TSC1: variants seen among roughly 807,000 people sequenced by gnomAD.
The protein encoded by TSC1 is TSC complex subunit 1, also known as hamartin.
Under a neutral mutation model 124.3 loss-of-function variants are expected in TSC1, and 20 were observed. The observed-to-expected ratio is 0.16, with a 90% CI of 0.11 to 0.23. The LOEUF is 0.23. Ranked by LOEUF, TSC1 falls within the 10% of genes least tolerant of loss-of-function variation. TSC1 has a pLI of 1.00. For synonymous variants in TSC1, 493 were observed against 539.1 expected (o/e 0.91, Z 1.19); for missense variants, 1,124 against 1,448.5 (o/e 0.78, Z 3.64).
rs1002459777 is a variant in TSC1, at chr9:132,921,553, T to G, written c.664-117A>C. On this transcript the variant is annotated intron_variant, in intron 7 of 22. Transcript: ENST00000298552. This position sits in a 1 kb window ranked among gnomAD's most constrained non-coding sequence, Gnocchi z 4.3. ...GTACTGATACATGTTATAACACAGA[T>G]GGAACCTTGAGAACATTATACTGAG... 2 of 1,242,622 alleles carry G rather than the reference T, an allele frequency of 1.6e-6. No homozygotes were observed. Among genetic ancestry groups the G allele is most frequent in the Admixed American group, 3.8e-5 (2 of 53,330 alleles). The allele number at this position is 1,242,622 out of a possible 1,614,324, so 77.0% of individuals were successfully genotyped here. A position where few individuals can be genotyped will look rare whatever the true frequency, so the allele number is the denominator to read the frequency against.
In TSC1 at chr9:132,892,106, G is replaced by A; in HGVS notation, c.*4129C>T. 1 of 233,198 alleles carries A rather than the reference G, an allele frequency of 4.3e-6. No homozygotes were observed. The highest frequency in any genetic ancestry group is 6.0e-5 in the East Asian group (1 of 16,578). 14.4% of individuals were successfully genotyped at this position (233,198 alleles called of 1,614,324 possible). A position where few individuals can be genotyped will look rare whatever the true frequency, so the allele number is the denominator to read the frequency against. Reference sequence around the variant, plus strand: ...GTAGCTACAGCTACTCTTCCCTCAGGCGAGCAGATAAGGACTGCAGGACGG... The same window carrying A: ...GTAGCTACAGCTACTCTTCCCTCAGACGAGCAGATAAGGACTGCAGGACGG... On this transcript the variant is annotated 3_prime_UTR_variant, in exon 23 of 23. Transcript: ENST00000298552.
In TSC1 at chr9:132,928,792, A is replaced by T; in HGVS notation, c.81T>A (p.Ala27=). 1 of 1,614,216 alleles carries T rather than the reference A, an allele frequency of 6.2e-7. No individual in the cohort carries two copies. Among genetic ancestry groups the T allele is most frequent in the Non-Finnish European group, 8.5e-7 (1 of 1,180,024 alleles). ...PMLGVRDDVT[A]VFKENLNSDR... ...CAGAATTGAGGTTCTCTTTAAAGACAGCTGTCACGTCGTCCCGCACACCCA... is the reference window on the plus strand; with the variant it reads ...CAGAATTGAGGTTCTCTTTAAAGACTGCTGTCACGTCGTCCCGCACACCCA... The change falls in exon 3 of 23, where the codon GCT becomes GCA. Residue 27 remains alanine, a synonymous_variant. Coordinates refer to ENST00000298552, the MANE Select transcript of TSC1 (RefSeq NM_000368.5).
chr9:132,907,296 T>C lies in TSC1; in HGVS notation c.1333+5A>G, dbSNP rs118203515. On this transcript the variant is annotated splice_donor_5th_base_variant and intron_variant, in intron 13 of 22. Coordinates refer to ENST00000298552, the MANE Select transcript of TSC1 (RefSeq NM_000368.5). ...GCAAGGCCTGTAGTAACGCAGAAAT[T>C]TTACCTGATCCTCTGTCATTCAGAA... 2.6e-4 allele frequency: 419 copies of C among 1,613,586 alleles called. No homozygotes were observed. The highest frequency in any genetic ancestry group is 3.5e-4 in the Non-Finnish European group (410 of 1,179,652).
intron 8 of TSC1, among the ~76,000 whole-genome samples, chr9:132,920,828 C>G (rs1272700405): frequency 6.6e-6 from 1 of 152,016 alleles, no homozygotes; most frequent in Non-Finnish European, 1.5e-5. Flanking sequence ...CCACTCTCCA[C>G]TGTGCCTGGA....
chr9:132,904,327 A>AG (rs1845535549), intron 16 of TSC1, 84 bp downstream of exon 16: 1 of 1,474,108 alleles, frequency 6.8e-7, no homozygotes, highest in Admixed American at 1.8e-5. Context: ...TGTTTCCCAG[A>AG]GGGCACCTCC....
intron 1 of TSC1, chr9:132,943,905 G>T (rs368929612): frequency 5.9e-5 from 9 of 152,246 alleles, no homozygotes; most frequent in African/African-American, 2.2e-4. Context: ...ATGAATGAAC[G>T]CCTAGGAGGG....
intron 1 of TSC1, chr9:132,943,710 G>A (rs1395054682): frequency 6.6e-6 from 1 of 152,136 alleles, no homozygotes; most frequent in Admixed American, 6.6e-5. Context: ...ACAGTGCCTG[G>A]CACACAGAGA....
intron 6 of TSC1, among the ~76,000 whole-genome samples, chr9:132,922,751 G>T (rs1487010500): frequency 6.6e-6 from 1 of 152,130 alleles, no homozygotes; most frequent in Non-Finnish European, 1.5e-5. Flanking sequence ...TGTCTCACAG[G>T]TCTGACATAC....
intron 4 of TSC1, chr9:132,926,976 C>T (rs552454942): frequency 7.7e-6 from 4 of 516,898 alleles, no homozygotes; most frequent in South Asian, 6.0e-5. Context: ...CCGGCCCAAA[C>T]AAGATCTTTA....
chr9:132,920,899 G>C (rs1045125490), intron 8 of TSC1, among the ~76,000 whole-genome samples: 1 of 151,894 alleles, frequency 6.6e-6, no homozygotes, highest in Non-Finnish European at 1.5e-5. Context: ...GGGGGCCTCT[G>C]TAGGGCCCTG....
intron 2 of TSC1, among the ~76,000 whole-genome samples, chr9:132,930,661 G>T (rs1847156439): frequency 6.7e-6 from 1 of 148,158 alleles, no homozygotes; most frequent in Non-Finnish European, 1.5e-5. Flanking sequence ...AATTAGCCAT[G>T]ACCCCAAAAA....
rs867381914 is a variant in TSC1, at chr9:132,921,301, T to G, written c.737+62A>C. 4 of 1,549,320 alleles carry G rather than the reference T, an allele frequency of 2.6e-6. No individual in the cohort carries two copies. The highest frequency in any genetic ancestry group is 1.4e-5 in the African/African-American group (1 of 73,580). On this transcript the variant is annotated intron_variant, in intron 8 of 22. Transcript: ENST00000298552. The surrounding 1 kb of genome is among the most constrained non-coding windows in gnomAD (Gnocchi z 4.3). ...CAAATATACCTCAACAGGGATTACC[T>G]CCTAGATCACATTTTCAATCTCTCG... is the stretch of plus-strand genomic sequence containing the variant.
In TSC1 at chr9:132,905,948, C is replaced by A. The variant is rs2131836819; in HGVS notation, c.1630G>T (p.Gly544Trp). ...EPLHSSLDKL[G>W]PDTPKQAFTP... ...AAGGCTTGCTTTGGTGTGTCAGGCC[C>A]AAGCTTGTCCAGGGAGGAGTGTAAA... is the stretch of plus-strand genomic sequence containing the variant. The change falls in exon 15 of 23, where the codon GGG (glycine) becomes TGG (tryptophan). Residue 544 changes from glycine (G) to tryptophan (W), a missense_variant. Physicochemically the swap from Gly to Trp is radical, Grantham distance 184 (BLOSUM62 -2). Around this residue, in one of 5 missense-constraint regions of TSC1, gnomAD observed 321 missense variants for 397.4 expected, o/e 0.81. Transcript: ENST00000298552. The A allele has an allele frequency of 6.2e-7, 1 of 1,614,064 alleles. No individual in the cohort carries two copies. The highest frequency in any genetic ancestry group is 8.5e-7 in the Non-Finnish European group (1 of 1,179,936).
At position 132,894,718 on chromosome 9, in the gene TSC1, CTT is replaced by C. The variant is rs536648576; in HGVS notation, c.*1515_*1516del. 3.4e-3 allele frequency: 617 copies of C among 181,430 alleles called. 3 individuals carry two copies. Among genetic ancestry groups the C allele is most frequent in the African/African-American group, 0.015 (576 of 39,222 alleles). The allele number at this position is 181,430 out of a possible 1,614,324, so 11.2% of individuals were successfully genotyped here. On this transcript the variant is annotated 3_prime_UTR_variant, in exon 23 of 23. Coordinates refer to ENST00000298552, the MANE Select transcript of TSC1 (RefSeq NM_000368.5). Reference sequence around the variant, plus strand: ...TAAAAAAAAAAAAAAAAAAAAAAGACTTTCATTCTCTCTGCTCGAGGCCTCCG... The same window carrying C: ...TAAAAAAAAAAAAAAAAAAAAAAGACTCATTCTCTCTGCTCGAGGCCTCCG...
Position 132,903,910 on chromosome 9 carries a change from A to C in TSC1, c.2042-93T>G. The C allele has an allele frequency of 6.8e-7, 1 of 1,470,542 alleles. No homozygotes were observed. The highest frequency in any genetic ancestry group is 9.4e-7 in the Non-Finnish European group (1 of 1,064,094). 91.1% of individuals were successfully genotyped at this position (1,470,542 alleles called of 1,614,324 possible). A position where few individuals can be genotyped will look rare whatever the true frequency, so the allele number is the denominator to read the frequency against. ...CATGTGTTGTTAGCTTAACAAACACAATTCTTTAAAAACAAATCACCACTC... is the reference window on the plus strand; with the variant it reads ...CATGTGTTGTTAGCTTAACAAACACCATTCTTTAAAAACAAATCACCACTC... On this transcript the variant is annotated intron_variant, in intron 16 of 22. Transcript: ENST00000298552. The surrounding 1 kb of genome is among the most constrained non-coding windows in gnomAD (Gnocchi z 5.9).
At chr9:132,935,949 A>G (rs1373678737) in intron 1 of TSC1, among the ~76,000 whole-genome samples, 1 of 152,154 alleles carries the variant, frequency 6.6e-6, no homozygotes, top group African/African-American at 2.4e-5. Context: ...TGTGTCACTT[A>G]CCACAACCCA....
Position 132,927,333 on chromosome 9 carries a change from A to G in TSC1, c.107-29T>C, listed in dbSNP as rs774845385. 6 of 1,601,090 alleles carry G rather than the reference A, an allele frequency of 3.7e-6. No individual in the cohort carries two copies. The South Asian group carries it at 5.6e-5, about 15-fold the overall frequency. ...AATCAAGAAAAGGGCAATGGATGAT[A>G]CTTATTCCCCTTAACATCCTAAATT... On this transcript the variant is annotated intron_variant, in intron 3 of 22. Transcript: ENST00000298552.
At chr9:132,901,297 T>C (rs1845359474) in intron 19 of TSC1, among the ~76,000 whole-genome samples, 2 of 152,330 alleles carry the variant, frequency 1.3e-5, no homozygotes, top group South Asian at 2.1e-4. Context: ...GGGATACACA[T>C]AGAGCAGGGT....
chr9:132,928,655 TAAA>T (rs1032086675), intron 3 of TSC1, 109 bp downstream of exon 3: 2 of 1,424,944 alleles, frequency 1.4e-6, no homozygotes, highest in African/African-American at 1.4e-5. Flanking sequence ...TTTGGGTGTT[TAAA>T]AAACTTTTCA....
Sources: allele counts gnomAD v4.1 joint callset (sites outside exome capture counted in the v4.1 genomes callset), GRCh38; gene constraint gnomAD v4.1.1; regional missense constraint gnomAD v4.1.1; non-coding constraint Gnocchi (gnomAD v3.1); transcripts MANE v1.5; gene names NCBI Gene and HGNC (gene_info 2026-07-23, HGNC 2026-07-21).